PRKCZ: variants seen among roughly 807,000 people sequenced by gnomAD.
PRKCZ encodes the protein protein kinase C zeta.
PRKCZ carries 33 observed loss-of-function variants against 79.5 expected under a neutral mutation model. The observed-to-expected ratio is 0.41, with a 90% CI of 0.31 to 0.55. The LOEUF is 0.55. PRKCZ is among the 20% of genes least tolerant of loss of function. The probability of loss-of-function intolerance (pLI) is 0.19; values close to 1 mark genes in which losing one functional copy is unlikely to be tolerated. For synonymous variants in PRKCZ, 342 were observed against 320.9 expected, an observed-to-expected ratio of 1.07 and a Z score of -0.70; for missense variants, 578 against 813.5, an observed-to-expected ratio of 0.71 and a Z score of 3.52.
Position 2,075,207 on chromosome 1 carries a change from A to T in PRKCZ, c.334+15616A>T, listed in dbSNP as rs1278768506. 6.6e-6 allele frequency: 1 copy of T among 152,318 alleles called. No homozygotes were observed. Among genetic ancestry groups the T allele is most frequent in the Non-Finnish European group, 1.5e-5 (1 of 68,110 alleles). 9.4% of individuals were successfully genotyped at this position (152,318 alleles called of 1,614,324 possible). A position where few individuals can be genotyped will look rare whatever the true frequency, so the allele number is the denominator to read the frequency against. Reference sequence around the variant, plus strand: ...CCTGCGAGGAGAAACGTGCTGTGTCATAGTTTCCTCGGTGCCTGGGACGGC... The same window carrying T: ...CCTGCGAGGAGAAACGTGCTGTGTCTTAGTTTCCTCGGTGCCTGGGACGGC... On this transcript the variant is annotated intron_variant, in intron 4 of 17. Coordinates refer to ENST00000378567, the MANE Select transcript of PRKCZ (RefSeq NM_002744.6). This position sits in a 1 kb window ranked among gnomAD's most constrained non-coding sequence, Gnocchi z 4.8.
chr1:2,055,739 G>A lies in PRKCZ; in HGVS notation c.193+177G>A, dbSNP rs1660100327. 23 of 927,318 alleles carry A rather than the reference G, an allele frequency of 2.5e-5. No individual in the cohort carries two copies. In the South Asian group the frequency reaches 4.4e-4, roughly 18 times the overall value. 57.4% of individuals were successfully genotyped at this position (927,318 alleles called of 1,614,324 possible). ...GGTGGGAAAGAGGTTGGCCACAGAT[G>A]CTTATCAAGGACCTGGGCCCAGATG... On this transcript the variant is annotated intron_variant, in intron 2 of 17. Coordinates refer to ENST00000378567, the MANE Select transcript of PRKCZ (RefSeq NM_002744.6).
At position 2,121,677 on chromosome 1, in the gene PRKCZ, G is replaced by GTTAT. The variant is rs113323574; in HGVS notation, c.335-13582_335-13581insTTTA. Among the ~76,000 whole-genome samples the GTTAT allele has an allele frequency of 2.3e-4, 26 of 113,622 alleles. 1 individual carries two copies. The highest frequency in any genetic ancestry group is 5.7e-4 in the African/African-American group (15 of 26,470). The allele number at this position is 113,622 out of a possible 152,430, so 74.5% of individuals were successfully genotyped here. On this transcript the variant is annotated intron_variant, in intron 4 of 17. Transcript: ENST00000378567. ...GGTGGTGGTTAGGGTCGTGGTGGTGGTTAGGGTCACGGTGGTGGTTAGGGT... is the reference window on the plus strand; with the variant it reads ...GGTGGTGGTTAGGGTCGTGGTGGTGGTTATTTAGGGTCACGGTGGTGGTTAGGGT...
intron 4 of PRKCZ, among the ~76,000 whole-genome samples, chr1:2,115,680 C>G (rs1251787282): frequency 4.6e-5 from 7 of 152,216 alleles, no homozygotes; most frequent in Non-Finnish European, 1.0e-4. Context: ...CTTCCTGAGG[C>G]TCGGGTGGGC....
intron 6 of PRKCZ, chr1:2,144,559 G>T (rs889868586): frequency 1.4e-6 from 2 of 1,396,670 alleles, no homozygotes; most frequent in Admixed American, 5.9e-5. Context: ...GCTCATTGGG[G>T]CATGAGGCTC....
intron 5 of PRKCZ, among the ~76,000 whole-genome samples, chr1:2,137,443 C>T (rs1676441507): frequency 6.6e-6 from 1 of 152,192 alleles, no homozygotes; most frequent in Non-Finnish European, 1.5e-5. Context: ...CATCCTTCAA[C>T]CCAGTCAAGT....
chr1:2,166,433 G>A (rs1157194708), intron 10 of PRKCZ, among the ~76,000 whole-genome samples: 3 of 152,052 alleles, frequency 2.0e-5, no homozygotes, highest in African/African-American at 4.8e-5. Flanking sequence ...AAACAGCCCC[G>A]AGGGCACGTG....
intron 4 of PRKCZ, among the ~76,000 whole-genome samples, chr1:2,105,866 A>G (rs1390123072): frequency 1.3e-5 from 2 of 152,156 alleles, no homozygotes; most frequent in African/African-American, 4.8e-5. Flanking sequence ...TCGTCGGATG[A>G]GAATTATTCT....
chr1:2,093,039 C>T (rs761135044), intron 4 of PRKCZ, among the ~76,000 whole-genome samples: 9 of 152,300 alleles, frequency 5.9e-5, no homozygotes, highest in South Asian at 2.1e-4. Flanking sequence ...CACACGAGGC[C>T]GCGGTGCCCA....
intron 4 of PRKCZ, among the ~76,000 whole-genome samples, chr1:2,059,980 C>T (rs771292037): frequency 3.3e-5 from 5 of 152,208 alleles, no homozygotes; most frequent in Admixed American, 6.5e-5. Context: ...GTGGGGGCTC[C>T]GTTCATCCCA....
intron 3 of PRKCZ, among the ~76,000 whole-genome samples, chr1:2,057,647 C>A (rs1395573162): frequency 6.6e-6 from 1 of 152,128 alleles, no homozygotes; most frequent in Non-Finnish European, 1.5e-5. Context: ...GGGAGGATCG[C>A]TTCAGCCTAG....
At chr1:2,061,926 G>T (rs549068865) in intron 4 of PRKCZ, among the ~76,000 whole-genome samples, 43 of 152,324 alleles carry the variant, frequency 2.8e-4, no homozygotes, top group African/African-American at 9.4e-4. Context: ...CTGTGGGGGT[G>T]TTCACAGGTG....
chr1:2,058,196 T>A (rs1210116486), intron 3 of PRKCZ, among the ~76,000 whole-genome samples: 1 of 151,842 alleles, frequency 6.6e-6, no homozygotes, highest in Non-Finnish European at 1.5e-5. Flanking sequence ...AGAGATGGGG[T>A]CTCGCCATGT....
At chr1:2,063,204 C>T (rs1004776487) in intron 4 of PRKCZ, among the ~76,000 whole-genome samples, 6 of 152,194 alleles carry the variant, frequency 3.9e-5, no homozygotes, top group Non-Finnish European at 5.9e-5. Context: ...GTTTAGCTGT[C>T]GTGAATGATG....
chr1:2,050,177 A>G (rs1659505667), upstream of PRKCZ: 1 of 152,092 alleles, frequency 6.6e-6, no homozygotes, highest in African/African-American at 2.4e-5. Flanking sequence ...GTTGCCGGGC[A>G]GAGCCGCGCC....
chr1:2,052,131 G>A (rs560913068), intron 1 of PRKCZ, among the ~76,000 whole-genome samples: 6 of 152,274 alleles, frequency 3.9e-5, no homozygotes, highest in African/African-American at 1.2e-4. Flanking sequence ...AACAGGTGAT[G>A]GTGCGGAGCT....
rs1395106913 is a variant in PRKCZ at position 2,133,651 on chromosome 1, T to G, written c.335-1611T>G. The stretch of plus-strand genomic sequence containing the variant: ...CCCCGGCTGTGCGTCCGTCCCTCGG[T>G]TCCGCCCCCGGCTGCGCGTCTGTCC... On this transcript the variant is annotated intron_variant, in intron 4 of 17. Coordinates refer to ENST00000378567, the MANE Select transcript of PRKCZ (RefSeq NM_002744.6). The G allele has an allele frequency of 3.5e-5, 5 of 143,552 alleles. No individual in the cohort carries two copies. In the South Asian group the frequency reaches 1.1e-3, roughly 31 times the overall value. The allele number at this position is 143,552 out of a possible 1,614,324, so 8.9% of individuals were successfully genotyped here. A position where few individuals can be genotyped will look rare whatever the true frequency, so the allele number is the denominator to read the frequency against.
chr1:2,144,115 C>T, intron 5 of PRKCZ, 95 bp from the exon 6 acceptor site: 2 of 1,473,982 alleles, frequency 1.4e-6, no homozygotes, highest in Non-Finnish European at 1.8e-6. Context: ...GCTCAGTGTC[C>T]TCTTTTGAGA....
intron 11 of PRKCZ, 141 bp from the exon 12 acceptor site, chr1:2,171,914 C>T: frequency 3.7e-6 from 4 of 1,073,908 alleles, no homozygotes; most frequent in Non-Finnish European, 5.2e-6. Flanking sequence ...CTGTGCACTG[C>T]ACTTTCAAAT....
chr1:2,104,712 G>A (rs1668066992), intron 4 of PRKCZ: 2 of 985,664 alleles, frequency 2.0e-6, no homozygotes, highest in African/African-American at 1.7e-5. Flanking sequence ...GGCGAGGGGT[G>A]GTCAGAACAT....
Sources: gnomAD v4.1 joint callset for allele counts (sites outside exome capture counted in the v4.1 genomes callset) on GRCh38, gnomAD v4.1.1 for gene constraint, Gnocchi (gnomAD v3.1) non-coding constraint, MANE v1.5 for transcripts, NCBI Gene and HGNC (gene_info 2026-07-23, HGNC 2026-07-21) for gene names.